REDIC1: variants seen among roughly 807,000 people sequenced by gnomAD.
REDIC1 encodes regulator of DNA class I crossover intermediates 1.
At chr12:39,736,295 A>G in the REDIC1 span, among the ~76,000 whole-genome samples, 1 of 152,114 alleles carries the variant, frequency 6.6e-6, no homozygotes, top group Non-Finnish European at 1.5e-5. Context: ...TTTCAATGGG[A>G]AAGTCTGTAG....
At chr12:39,843,532 GTAGA>G in the REDIC1 span, among the ~76,000 whole-genome samples, 7 of 152,060 alleles carry the variant, frequency 4.6e-5, no homozygotes, top group Non-Finnish European at 7.4e-5. Flanking sequence ...CCATTTCAAG[GTAGA>G]TAGAGAATTA....
the REDIC1 span, chr12:39,830,305 T>C: frequency 5.8e-6 from 9 of 1,546,456 alleles, no homozygotes; most frequent in Non-Finnish European, 7.8e-6. Flanking sequence ...CATGTGCTTC[T>C]CTGCATTTTC....
the REDIC1 span, among the ~76,000 whole-genome samples, chr12:39,857,472 C>T: frequency 6.6e-6 from 1 of 152,152 alleles, no homozygotes; most frequent in African/African-American, 2.4e-5. Context: ...CATTCCCCTC[C>T]AAAATATCTC....
the REDIC1 span, among the ~76,000 whole-genome samples, chr12:39,702,471 C>G: frequency 6.6e-6 from 1 of 152,164 alleles, no homozygotes; most frequent in African/African-American, 2.4e-5. Flanking sequence ...GAGTCCAGGA[C>G]CAGATGGATT....
chr12:39,694,509 A>T, the REDIC1 span, among the ~76,000 whole-genome samples: 1 of 152,132 alleles, frequency 6.6e-6, no homozygotes, highest in Non-Finnish European at 1.5e-5. Context: ...GCAAAATTGG[A>T]CCAAACTCAG....
At chr12:39,680,398 A>T in the REDIC1 span, among the ~76,000 whole-genome samples, 1 of 152,178 alleles carries the variant, frequency 6.6e-6, no homozygotes, top group Non-Finnish European at 1.5e-5. Flanking sequence ...CTAAAGATGG[A>T]GGAAATGCAA....
chr12:39,768,020 C>G, the REDIC1 span, among the ~76,000 whole-genome samples: 1 of 152,090 alleles, frequency 6.6e-6, no homozygotes, highest in Admixed American at 6.6e-5. Context: ...CAGACTAATA[C>G]ATCACCTTTA....
At chr12:39,634,890 G>T in the REDIC1 span, among the ~76,000 whole-genome samples, 1 of 151,988 alleles carries the variant, frequency 6.6e-6, no homozygotes, top group Non-Finnish European at 1.5e-5. Flanking sequence ...CTACCCGTCA[G>T]ACAAAGGGCT....
chr12:39,706,943 G>T, the REDIC1 span, among the ~76,000 whole-genome samples: 1 of 152,054 alleles, frequency 6.6e-6, no homozygotes, highest in East Asian at 1.9e-4. Context: ...ACATTCCTTT[G>T]GGTAAAAATT....
At chr12:39,647,333 A>G in the REDIC1 span, among the ~76,000 whole-genome samples, 1 of 152,130 alleles carries the variant, frequency 6.6e-6, no homozygotes, top group African/African-American at 2.4e-5. Context: ...ATTTTAATCA[A>G]TTAGAAAATG....
the REDIC1 span, among the ~76,000 whole-genome samples, chr12:39,840,078 C>T: frequency 6.6e-6 from 1 of 152,012 alleles, no homozygotes; most frequent in Admixed American, 6.6e-5. Flanking sequence ...GTCACCCAGG[C>T]TGGAGTGCAA....
chr12:39,880,826 G>A, the REDIC1 span, among the ~76,000 whole-genome samples: 2 of 152,156 alleles, frequency 1.3e-5, no homozygotes, highest in African/African-American at 2.4e-5. Context: ...CCACATCACT[G>A]ACTTTCCTTT....
At chr12:39,713,074 T>C in the REDIC1 span, among the ~76,000 whole-genome samples, 1 of 147,636 alleles carries the variant, frequency 6.8e-6, no homozygotes, top group African/African-American at 2.5e-5. Flanking sequence ...TGTATACACG[T>C]GCATACGTGT....
the REDIC1 span, chr12:39,829,389 A>ACTT: frequency 1.5e-5 from 1 of 65,780 alleles, no homozygotes; most frequent in Non-Finnish European, 2.8e-5. Flanking sequence ...TGTGATAGTA[A>ACTT]TTCTTTTTTT....
At chr12:39,663,813 T>G in the REDIC1 span, among the ~76,000 whole-genome samples, 1 of 152,054 alleles carries the variant, frequency 6.6e-6, no homozygotes, top group African/African-American at 2.4e-5. Context: ...GGTGAAAAAG[T>G]CACCAAGCAA....
At chr12:39,900,710 C>T in the REDIC1 span, among the ~76,000 whole-genome samples, 1 of 152,144 alleles carries the variant, frequency 6.6e-6, no homozygotes, top group Admixed American at 6.5e-5. Flanking sequence ...AATGGAAGAA[C>T]ATTCCATGCT....
chr12:39,835,767 T>G, the REDIC1 span: 2 of 152,084 alleles, frequency 1.3e-5, no homozygotes, highest in African/African-American at 4.8e-5. Context: ...GCACAACAGC[T>G]CTAGAAATCA....
the REDIC1 span, among the ~76,000 whole-genome samples, chr12:39,842,057 A>C: frequency 1.3e-5 from 2 of 152,110 alleles, no homozygotes; most frequent in African/African-American, 2.4e-5. Flanking sequence ...TCAGATTTAC[A>C]GAGGTTCAAC....
the REDIC1 span, among the ~76,000 whole-genome samples, chr12:39,826,459 T>C: frequency 2.6e-5 from 4 of 151,550 alleles, no homozygotes; most frequent in Non-Finnish European, 5.9e-5. Flanking sequence ...TTCTGGGTTT[T>C]TTTTTTTGCC....
Sources: allele counts gnomAD v4.1 joint callset (sites outside exome capture counted in the v4.1 genomes callset), GRCh38; gene constraint gnomAD v4.1.1; transcripts MANE v1.5; gene names NCBI Gene and HGNC (gene_info 2026-07-23, HGNC 2026-07-21).